The following COL11A1 variants were observed in gnomAD, a reference collection of about 807,000 sequenced individuals.
COL11A1 encodes collagen type XI alpha 1 chain.
In COL11A1, 74 loss-of-function variants were observed where a neutral mutation model predicts 265.2. The ratio of observed to expected loss-of-function variants is 0.28; its 90% confidence interval spans 0.23 to 0.34. COL11A1 has a LOEUF of 0.34. Among genes scored for constraint, COL11A1 ranks in the 10% least tolerant of loss-of-function variants. COL11A1 has a pLI of 1.00. For missense variants in COL11A1, 2,165 were observed against 2,263.6 expected (o/e 0.96, Z 0.88); for synonymous variants, 816 against 727.6 (o/e 1.12, Z -1.96).
At chr1:103,008,369 CAA>C in intron 15 of COL11A1, 92 bp downstream of exon 15, 11 of 953,168 alleles carry the variant, frequency 1.2e-5, no homozygotes, top group Non-Finnish European at 1.6e-5. Flanking sequence ...TACTCAGGAA[CAA>C]AAAAAAAATT....
At chr1:102,930,174 T>A (rs1308948845) in intron 46 of COL11A1, among the ~76,000 whole-genome samples, 5 of 152,130 alleles carry the variant, frequency 3.3e-5, no homozygotes, top group Non-Finnish European at 2.9e-5. Flanking sequence ...TGTGCCCGTT[T>A]TCAAAGGGAA....
intron 46 of COL11A1, among the ~76,000 whole-genome samples, chr1:102,930,298 T>C (rs1444726577): frequency 1.1e-4 from 16 of 152,010 alleles, no homozygotes; most frequent in Non-Finnish European, 1.9e-4. Context: ...GTTTTTAGCA[T>C]GAATGGTTGT....
At chr1:103,043,731 GA>G (rs1358509927) in intron 4 of COL11A1, among the ~76,000 whole-genome samples, 1 of 151,862 alleles carries the variant, frequency 6.6e-6, no homozygotes, top group African/African-American at 2.4e-5. Flanking sequence ...TCAATTAAAG[GA>G]AAACAAACCT....
intron 42 of COL11A1, among the ~76,000 whole-genome samples, chr1:102,941,319 T>C (rs1658697957): frequency 6.6e-6 from 1 of 152,170 alleles, no homozygotes; most frequent in South Asian, 2.1e-4. Flanking sequence ...GAAAAAAACC[T>C]CCTGCCTTTC....
intron 4 of COL11A1, among the ~76,000 whole-genome samples, chr1:103,072,285 T>C (rs1671654376): frequency 6.6e-6 from 1 of 151,930 alleles, no homozygotes; most frequent in African/African-American, 2.4e-5. Context: ...ATTTTTACCA[T>C]AGTAGTACCA....
At chr1:102,958,007 T>C (rs1660534187) in intron 41 of COL11A1, among the ~76,000 whole-genome samples, 1 of 152,144 alleles carries the variant, frequency 6.6e-6, no homozygotes. Flanking sequence ...CACTTTGCTT[T>C]GCTTTTTCCT....
intron 4 of COL11A1, 141 bp from the exon 5 acceptor site, chr1:103,031,385 G>T: frequency 9.7e-7 from 1 of 1,034,906 alleles, no homozygotes. Flanking sequence ...ATGTTAAGAA[G>T]AGTCTTATAG....
chr1:102,880,885 T>C (rs555448391), intron 65 of COL11A1, among the ~76,000 whole-genome samples: 4 of 152,184 alleles, frequency 2.6e-5, no homozygotes, highest in Non-Finnish European at 4.4e-5. Context: ...TCTATCTGTA[T>C]ATATTTTTAA....
intron 14 of COL11A1, among the ~76,000 whole-genome samples, chr1:103,009,627 T>C (rs1187060783): frequency 3.3e-5 from 5 of 152,156 alleles, no homozygotes; most frequent in Non-Finnish European, 5.9e-5. Context: ...TACTGTGTGT[T>C]CTAAAAGATT....
chr1:103,093,681 C>T (rs1413467051), intron 1 of COL11A1, among the ~76,000 whole-genome samples: 5 of 152,208 alleles, frequency 3.3e-5, no homozygotes, highest in Middle Eastern at 3.4e-3. Context: ...GTGGTTCTGT[C>T]GATATTTTGT....
chr1:102,883,685 T>C (rs1343670428), intron 63 of COL11A1, among the ~76,000 whole-genome samples: 2 of 152,214 alleles, frequency 1.3e-5, no homozygotes, highest in African/African-American at 4.8e-5. Flanking sequence ...ATAAGTATTA[T>C]TTACTACTTA....
intron 4 of COL11A1, among the ~76,000 whole-genome samples, chr1:103,071,752 T>C (rs969788347): frequency 1.1e-4 from 11 of 99,548 alleles, no homozygotes; most frequent in African/African-American, 3.5e-4. Context: ...ATATCAAAAG[T>C]TGAAATGTCA....
At chr1:102,900,131 T>G (rs916778088) in intron 54 of COL11A1, among the ~76,000 whole-genome samples, 9 of 152,132 alleles carry the variant, frequency 5.9e-5, no homozygotes, top group Non-Finnish European at 1.3e-4. Context: ...GAGTCAATGA[T>G]GACATCATTA....
chr1:103,091,810 A>C (rs1673345673), intron 1 of COL11A1, among the ~76,000 whole-genome samples: 1 of 152,106 alleles, frequency 6.6e-6, no homozygotes, highest in African/African-American at 2.4e-5. Context: ...TGCGTATTTC[A>C]TATTCAAACA....
intron 1 of COL11A1, among the ~76,000 whole-genome samples, chr1:103,096,329 C>G (rs761628177): frequency 6.6e-6 from 1 of 151,772 alleles, no homozygotes; most frequent in Non-Finnish European, 1.5e-5. Flanking sequence ...GAAAGTGGAG[C>G]AGATAGGAGT....
intron 57 of COL11A1, among the ~76,000 whole-genome samples, chr1:102,895,145 G>A (rs978920654): frequency 5.3e-5 from 8 of 152,092 alleles, no homozygotes; most frequent in Admixed American, 4.6e-4. Flanking sequence ...GACTCTAGTA[G>A]AGCTGATAAC....
chr1:102,877,062 T>G lies in COL11A1; in HGVS notation c.*957A>C, dbSNP rs1649583268. 6.6e-6 allele frequency: 1 copy of G among 152,566 alleles called. No individual in the cohort carries two copies. The highest frequency in any genetic ancestry group is 6.6e-5 in the Admixed American group (1 of 15,256). The allele number at this position is 152,566 out of a possible 1,614,324, so 9.5% of individuals were successfully genotyped here. ...ATTGCTTAATTTCCATCTTTAATAT[T>G]AACCTGCATTATTGAAGCACACTGA... On this transcript the variant is annotated 3_prime_UTR_variant, in exon 67 of 67. Coordinates refer to ENST00000370096, the MANE Select transcript of COL11A1 (RefSeq NM_001854.4).
At chr1:102,956,184 C>T (rs1009359231) in intron 41 of COL11A1, among the ~76,000 whole-genome samples, 12 of 152,114 alleles carry the variant, frequency 7.9e-5, no homozygotes, top group African/African-American at 2.7e-4. Context: ...AAATTTAGCA[C>T]ACAAAAAGGC....
At position 102,984,849 on chromosome 1, in the gene COL11A1, T is replaced by A. The variant is rs147091987; in HGVS notation, c.2503-658A>T. Among the ~76,000 whole-genome samples the A allele has an allele frequency of 1.4e-4, 21 of 152,168 alleles. 1 individual carries two copies. In the East Asian group the frequency reaches 3.9e-3, roughly 28 times the overall value. On this transcript the variant is annotated intron_variant, in intron 30 of 66. Coordinates refer to ENST00000370096, the MANE Select transcript of COL11A1 (RefSeq NM_001854.4). ...GTGTTTATTCCTCCAAGCAGGGAAC[T>A]GAATATACTATTTTGTTCCAGTGCA...
Sources: allele counts gnomAD v4.1 joint callset (sites outside exome capture counted in the v4.1 genomes callset), GRCh38; gene constraint gnomAD v4.1.1; transcripts MANE v1.5; gene names NCBI Gene and HGNC (gene_info 2026-07-23, HGNC 2026-07-21).